The following B3GNT9 variants were observed in gnomAD, a reference collection of about 807,000 sequenced individuals.
B3GNT9 encodes BGnT-9.
For synonymous variants in B3GNT9, 359 were observed against 283.9 expected (o/e 1.26, Z -2.66); for missense variants, 669 against 599.2 (o/e 1.12, Z -1.22).
At position 67,150,051 on chromosome 16, in the gene B3GNT9, C is replaced by T. The variant is rs1247162822; in HGVS notation, c.435G>A (p.Val145=). 6.7e-7 allele frequency: 1 copy of T among 1,494,988 alleles called. No homozygotes were observed. Among genetic ancestry groups the T allele is most frequent in the Non-Finnish European group, 8.9e-7 (1 of 1,124,768 alleles). The allele number at this position is 1,494,988 out of a possible 1,614,324, so 92.6% of individuals were successfully genotyped here. ...VRQTWGAEGR[V]QGALVRRVFL... ...ACACGCGGCGCACCAGCGCCCCCTG[C>T]ACGCGACCCTCCGCGCCCCACGTCT... Residue 145 remains valine (V), a synonymous_variant, in exon 2 of 2, where the codon GTG becomes GTA. Transcript: ENST00000449549.
chr16:67,148,384 C>T lies in B3GNT9; in HGVS notation c.*893G>A, dbSNP rs1477322637. On this transcript the variant is annotated 3_prime_UTR_variant, in exon 2 of 2. Transcript: ENST00000449549. ...TTGGACTGTGGCCTGGCCAGAGCCC[C>T]TTGCATATCCCCACTGTCAGGGGCA... The T allele has an allele frequency of 2.6e-5, 4 of 152,662 alleles. No homozygotes were observed. The highest frequency in any genetic ancestry group is 9.6e-5 in the African/African-American group (4 of 41,456). The allele number at this position is 152,662 out of a possible 1,614,324, so 9.5% of individuals were successfully genotyped here.
rs775701026 is a variant in B3GNT9 at position 67,150,233 on chromosome 16, C to T, written c.253G>A (p.Ala85Thr). The change falls in exon 2 of 2, where the codon GCC becomes ACC. Residue 85 changes from alanine to threonine, a missense_variant. Coordinates refer to ENST00000449549, the MANE Select transcript of B3GNT9 (RefSeq NM_033309.3). ...PPTPTGPFDF[A>T]RYLRAKDQRR... is the part of the protein sequence containing the mutation. ...TGGTCCTTGGCGCGCAAATAGCGGG[C>T]GAAGTCAAAGGGTCCCGTAGGCGTG... The T allele has an allele frequency of 6.5e-7, 1 of 1,545,674 alleles. No homozygotes were observed. The highest frequency in any genetic ancestry group is 8.7e-7 in the Non-Finnish European group (1 of 1,147,250).
chr16:67,150,577 A>T lies in B3GNT9; in HGVS notation c.-92T>A. 9.1e-7 allele frequency: 1 copy of T among 1,097,534 alleles called. No homozygotes were observed. The highest frequency in any genetic ancestry group is 1.2e-6 in the Non-Finnish European group (1 of 863,378). 68.0% of individuals were successfully genotyped at this position (1,097,534 alleles called of 1,614,324 possible). The stretch of plus-strand genomic sequence containing the variant: ...CGCCCTCCCCAGCTGAGGGGGCGGG[A>T]GGCCACGCCCCGGGGGGGGCTCCAG... On this transcript the variant is annotated 5_prime_UTR_variant, in exon 2 of 2. Transcript: ENST00000449549.
chr16:67,149,638 T>C lies in B3GNT9; in HGVS notation c.848A>G (p.Tyr283Cys), dbSNP rs1303775637. The C allele has an allele frequency of 1.2e-6, 2 of 1,601,188 alleles. No homozygotes were observed. The highest frequency in any genetic ancestry group is 8.5e-7 in the Non-Finnish European group (1 of 1,174,288). ...GCCACCGCCGCCCGCGTAGGCCGGA[T>C]AGGCGGGCAGGCCGTACACGGCCTC... is the stretch of plus-strand genomic sequence containing the variant. ...IPEAVYGLPA[Y>C]PAYAGGGGFV... The change falls in exon 2 of 2, where the codon TAT (tyrosine) becomes TGT (cysteine). Residue 283 changes from tyrosine (Y) to cysteine (C), a missense_variant. Coordinates refer to ENST00000449549, the MANE Select transcript of B3GNT9 (RefSeq NM_033309.3).
rs2030445575 is a variant in B3GNT9 at position 67,150,611 on chromosome 16, G to T, written c.-126C>A. Reference sequence around the variant, plus strand: ...CCCGGGGGGGGCTCCAGCGACCGACGGTTGAGCCCCTTGCGTTGTTCTCCT... The same window carrying T: ...CCCGGGGGGGGCTCCAGCGACCGACTGTTGAGCCCCTTGCGTTGTTCTCCT... On this transcript the variant is annotated 5_prime_UTR_variant, in exon 2 of 2. Transcript: ENST00000449549. 4.0e-6 allele frequency: 3 copies of T among 756,304 alleles called. No homozygotes were observed. The highest frequency in any genetic ancestry group is 5.4e-6 in the Non-Finnish European group (3 of 551,582). 46.8% of individuals were successfully genotyped at this position (756,304 alleles called of 1,614,324 possible). A position where few individuals can be genotyped will look rare whatever the true frequency, so the allele number is the denominator to read the frequency against.
In B3GNT9 at chr16:67,150,467, G is replaced by T; in HGVS notation, c.19C>A (p.Leu7Ile). Reference protein sequence around the residue: MRRRLRLRRDALLTLLL... With the variant: MRRRLRIRRDALLTLLL... ...AGCGTGAGCAATGCGTCCCTGCGTA[G>T]GCGCAGCCTCCTCCTCATCTCCGCG... is the stretch of plus-strand genomic sequence containing the variant. Residue 7 changes from leucine (L) to isoleucine (I), a missense_variant, in exon 2 of 2, where the codon CTA (leucine) becomes ATA (isoleucine). Leu to Ile is a conservative substitution (Grantham distance 5, BLOSUM62 2). Coordinates refer to ENST00000449549, the MANE Select transcript of B3GNT9 (RefSeq NM_033309.3). The T allele has an allele frequency of 1.5e-6, 2 of 1,326,690 alleles. No homozygotes were observed. The highest frequency in any genetic ancestry group is 1.9e-6 in the Non-Finnish European group (2 of 1,040,662). The allele number at this position is 1,326,690 out of a possible 1,614,324, so 82.2% of individuals were successfully genotyped here.
In B3GNT9 at chr16:67,148,690, G is replaced by C. The variant is rs777674653; in HGVS notation, c.*587C>G. 6.6e-6 allele frequency: 1 copy of C among 152,280 alleles called. No homozygotes were observed. The highest frequency in any genetic ancestry group is 6.5e-5 in the Admixed American group (1 of 15,284). 9.4% of individuals were successfully genotyped at this position (152,280 alleles called of 1,614,324 possible). A position where few individuals can be genotyped will look rare whatever the true frequency, so the allele number is the denominator to read the frequency against. On this transcript the variant is annotated 3_prime_UTR_variant, in exon 2 of 2. Coordinates refer to ENST00000449549, the MANE Select transcript of B3GNT9 (RefSeq NM_033309.3). ...GACTGGCATTGTTGTGTGAGTTCAG[G>C]AGGTGAGGAAAGACTAGGTAGGACC...
chr16:67,150,294 G>T lies in B3GNT9; in HGVS notation c.192C>A (p.Ala64=). Residue 64 remains alanine (A), a synonymous_variant, in exon 2 of 2, where the codon GCC becomes GCA. Coordinates refer to ENST00000449549, the MANE Select transcript of B3GNT9 (RefSeq NM_033309.3). ...RAFQLPDAGA[A]PPAYEGDTPA... ...GTGTGTCCCCTTCGTAGGCCGGCGG[G>T]GCTGCACCCGCGTCGGGTAACTGGA... The T allele has an allele frequency of 7.0e-7, 1 of 1,427,560 alleles. No individual in the cohort carries two copies. Among genetic ancestry groups the T allele is most frequent in the Non-Finnish European group, 9.2e-7 (1 of 1,086,066 alleles). 88.4% of individuals were successfully genotyped at this position (1,427,560 alleles called of 1,614,324 possible). A position where few individuals can be genotyped will look rare whatever the true frequency, so the allele number is the denominator to read the frequency against.
In B3GNT9 at chr16:67,150,625, C is replaced by A. The variant is rs962243718; in HGVS notation, c.-140G>T. On this transcript the variant is annotated 5_prime_UTR_variant, in exon 2 of 2. Coordinates refer to ENST00000449549, the MANE Select transcript of B3GNT9 (RefSeq NM_033309.3). ...CAGCGACCGACGGTTGAGCCCCTTGCGTTGTTCTCCTCCTCCCGGCCGTGT... is the reference window on the plus strand; with the variant it reads ...CAGCGACCGACGGTTGAGCCCCTTGAGTTGTTCTCCTCCTCCCGGCCGTGT... 1.8e-5 allele frequency: 11 copies of A among 619,810 alleles called. No individual in the cohort carries two copies. In the Admixed American group the frequency reaches 3.1e-4, roughly 17 times the overall value. 38.4% of individuals were successfully genotyped at this position (619,810 alleles called of 1,614,324 possible).
chr16:67,149,404 A>T lies in B3GNT9; in HGVS notation c.1082T>A (p.Leu361Gln), dbSNP rs375361015. The change falls in exon 2 of 2, where the codon CTG becomes CAG. Residue 361 changes from leucine to glutamine, a missense_variant. Coordinates refer to ENST00000449549, the MANE Select transcript of B3GNT9 (RefSeq NM_033309.3). ...STFDPCFYRE[L>Q]VVVHGLSAAD... is the part of the protein sequence containing the mutation. ...GGCCGAGAGCCCGTGCACTACAACC[A>T]GCTCACGGTAAAAGCAGGGGTCGAA... 6.2e-7 allele frequency: 1 copy of T among 1,604,180 alleles called. No homozygotes were observed. Among genetic ancestry groups the T allele is most frequent in the South Asian group, 1.1e-5 (1 of 89,506 alleles).
Position 67,150,319 on chromosome 16 carries a change from A to C in B3GNT9, c.167T>G (p.Phe56Cys). The change falls in exon 2 of 2, where the codon TTC becomes TGC. Residue 56 changes from phenylalanine to cysteine, a missense_variant. Phe to Cys is a radical substitution (Grantham distance 205, BLOSUM62 -2). Transcript: ENST00000449549. ...GGCTGCACCCGCGTCGGGTAACTGG[A>C]ACGCGCGGGGTCCGGGGGTGGGCCT... ...APRPTPGPRA[F>C]QLPDAGAAPP... is the part of the protein sequence containing the mutation. The C allele has an allele frequency of 7.1e-7, 1 of 1,408,918 alleles. No homozygotes were observed. Among genetic ancestry groups the C allele is most frequent in the Non-Finnish European group, 9.3e-7 (1 of 1,079,074 alleles). 87.3% of individuals were successfully genotyped at this position (1,408,918 alleles called of 1,614,324 possible).
Position 67,149,539 on chromosome 16 carries a change from T to A in B3GNT9, c.947A>T (p.Asp316Val), listed in dbSNP as rs773432453. 1 of 1,608,914 alleles carries A rather than the reference T, an allele frequency of 6.2e-7. No homozygotes were observed. Among genetic ancestry groups the A allele is most frequent in the African/African-American group, 1.3e-5 (1 of 74,834 alleles). The change falls in exon 2 of 2, where the codon GAC becomes GTC. Residue 316 changes from aspartate to valine, a missense_variant. Transcript: ENST00000449549. ...CAQVELFPID[D>V]VFLGMCLQRL... ...CTGCAGACACATGCCCAGAAAGACGTCGTCGATGGGGAAGAGCTCGACCTG... is the reference window on the plus strand; with the variant it reads ...CTGCAGACACATGCCCAGAAAGACGACGTCGATGGGGAAGAGCTCGACCTG...
In B3GNT9 at chr16:67,149,390, C is replaced by G. The variant is rs769037531; in HGVS notation, c.1096G>C (p.Gly366Arg). Residue 366 changes from glycine to arginine, a missense_variant, in exon 2 of 2, where the codon GGG (glycine) becomes CGG (arginine). Coordinates refer to ENST00000449549, the MANE Select transcript of B3GNT9 (RefSeq NM_033309.3). ...AGCCAGATGTCAGCGGCCGAGAGCC[C>G]GTGCACTACAACCAGCTCACGGTAA... ...CFYRELVVVH[G>R]LSAADIWLMW... 8 of 1,602,544 alleles carry G rather than the reference C, an allele frequency of 5.0e-6. No homozygotes were observed. Among genetic ancestry groups the G allele is most frequent in the African/African-American group, 1.3e-5 (1 of 74,706 alleles).
At position 67,150,103 on chromosome 16, in the gene B3GNT9, T is replaced by A; in HGVS notation, c.383A>T (p.Asp128Val). The change falls in exon 2 of 2, where the codon GAC becomes GTC. Residue 128 changes from aspartate to valine, a missense_variant. Coordinates refer to ENST00000449549, the MANE Select transcript of B3GNT9 (RefSeq NM_033309.3). ...GCGCACGGCTTGGCGCCGCTCGAAG[T>A]CCTCTGCCACCGACTTGACAGCAAT... is the stretch of plus-strand genomic sequence containing the variant. ...LLIAVKSVAEDFERRQAVRQT... is the reference protein window; with the variant it reads ...LLIAVKSVAEVFERRQAVRQT... 4.8e-6 allele frequency: 7 copies of A among 1,468,678 alleles called. No homozygotes were observed. Among genetic ancestry groups the A allele is most frequent in the Non-Finnish European group, 6.3e-6 (7 of 1,111,966 alleles). 91.0% of individuals were successfully genotyped at this position (1,468,678 alleles called of 1,614,324 possible).
intron 1 of B3GNT9, 70 bp downstream of exon 1, chr16:67,150,795 T>A: frequency 3.6e-6 from 1 of 280,016 alleles, no homozygotes; most frequent in Non-Finnish European, 6.6e-6. Context: ...CCCGCCTCCC[T>A]CGCGCTGAGG....
Position 67,150,257 on chromosome 16 carries a change from TG to T in B3GNT9, c.228del (p.Thr77ArgfsTer128). 1 of 1,511,248 alleles carries T rather than the reference TG, an allele frequency of 6.6e-7. No homozygotes were observed. Among genetic ancestry groups the T allele is most frequent in the Non-Finnish European group, 8.9e-7 (1 of 1,129,570 alleles). 93.6% of individuals were successfully genotyped at this position (1,511,248 alleles called of 1,614,324 possible). The stretch of plus-strand genomic sequence containing the variant: ...GCGAAGTCAAAGGGTCCCGTAGGCG[TG>T]GGCGGCGCCGGTGTGTCCCCTTCGT... ...PAYEGDTPAP[P>X]TPTGPFDFAR... is the part of the protein sequence containing the mutation. On this transcript the variant is annotated frameshift_variant, in exon 2 of 2. Coordinates refer to ENST00000449549, the MANE Select transcript of B3GNT9 (RefSeq NM_033309.3). LOFTEE classifies it low-confidence loss of function (END_TRUNC).
chr16:67,150,513 C>T lies in B3GNT9; in HGVS notation c.-28G>A. ...CCGCGCGGCCTGCGCCCTCCCTCCCCTGTAAGGGTCGCAGTCGGCAGCAGG... is the reference window on the plus strand; with the variant it reads ...CCGCGCGGCCTGCGCCCTCCCTCCCTTGTAAGGGTCGCAGTCGGCAGCAGG... On this transcript the variant is annotated 5_prime_UTR_variant, in exon 2 of 2. Coordinates refer to ENST00000449549, the MANE Select transcript of B3GNT9 (RefSeq NM_033309.3). The T allele has an allele frequency of 7.9e-7, 1 of 1,272,376 alleles. No homozygotes were observed. Among genetic ancestry groups the T allele is most frequent in the Non-Finnish European group, 9.9e-7 (1 of 1,009,882 alleles). The allele number at this position is 1,272,376 out of a possible 1,614,324, so 78.8% of individuals were successfully genotyped here.
In B3GNT9 at chr16:67,149,952, C is replaced by A. The variant is rs371081032; in HGVS notation, c.534G>T (p.Trp178Cys). The A allele has an allele frequency of 8.9e-6, 14 of 1,568,272 alleles. No individual in the cohort carries two copies. The highest frequency in any genetic ancestry group is 1.2e-5 in the Non-Finnish European group (14 of 1,156,972). Residue 178 changes from tryptophan (W) to cysteine (C), a missense_variant, in exon 2 of 2, where the codon TGG becomes TGT. Physicochemically the swap from Trp to Cys is radical, Grantham distance 215 (BLOSUM62 -2). Coordinates refer to ENST00000449549, the MANE Select transcript of B3GNT9 (RefSeq NM_033309.3). Reference sequence around the variant, plus strand: ...GGCTCTCGGCCCGCAGCAGGGCGCGCCAGTGGGTTCGCGCGCCCTCCCCAA... The same window carrying A: ...GGCTCTCGGCCCGCAGCAGGGCGCGACAGTGGGTTCGCGCGCCCTCCCCAA... ...DEVGEGARTH[W>C]RALLRAESLA...
At position 67,149,863 on chromosome 16, in the gene B3GNT9, T is replaced by C. The variant is rs774625904; in HGVS notation, c.623A>G (p.Glu208Gly). ...DDTFFNLTLK[E>G]IHFLAWASAF... ...TGAGGCCCAGGCTAGAAAGTGGATC[T>C]CCTTGAGCGTTAGGTTAAAAAAGGT... Residue 208 changes from glutamate to glycine, a missense_variant, in exon 2 of 2, where the codon GAG becomes GGG. Transcript: ENST00000449549. 3 of 1,613,226 alleles carry C rather than the reference T, an allele frequency of 1.9e-6. No individual in the cohort carries two copies. The highest frequency in any genetic ancestry group is 2.5e-6 in the Non-Finnish European group (3 of 1,179,510).
Sources: allele counts gnomAD v4.1 joint callset, GRCh38; gene constraint gnomAD v4.1.1; transcripts MANE v1.5; gene names NCBI Gene and HGNC (gene_info 2026-07-23, HGNC 2026-07-21).